The following TSPAN7 variants were observed in gnomAD, a reference collection of about 807,000 sequenced individuals.
TSPAN7 encodes tetraspanin-7.
In TSPAN7, 1 loss-of-function variant was observed where a neutral mutation model predicts 17.6. The ratio of observed to expected loss-of-function variants is 0.06; its 90% CI spans 0.02 to 0.27. TSPAN7 has a LOEUF of 0.27. TSPAN7 is among the 10% of genes least tolerant of loss of function. TSPAN7 has a pLI of 1.00. For synonymous variants in TSPAN7, 78 were observed against 79.0 expected (o/e 0.99, Z 0.07); for missense variants, 112 against 201.7 (o/e 0.56, Z 2.69).
At chrX:38,648,917 CAAAA>C (rs781037449) in intron 1 of TSPAN7, among the ~76,000 whole-genome samples, 6 of 49,332 alleles carry the variant, frequency 1.2e-4, no homozygotes, top group Non-Finnish European at 2.0e-4. Context: ...AACTCTGTCT[CAAAA>C]AAAAAAAAAA....
At chrX:38,683,199 A>T (rs1378098526) in intron 6 of TSPAN7, among the ~76,000 whole-genome samples, 1 of 112,165 alleles carries the variant, frequency 8.9e-6, no homozygotes, top group Non-Finnish European at 1.9e-5. Context: ...TGGTATTAAG[A>T]GGATCCTATT....
intron 1 of TSPAN7, among the ~76,000 whole-genome samples, chrX:38,662,033 A>C (rs945873802): frequency 8.1e-5 from 9 of 111,372 alleles, no homozygotes; most frequent in Non-Finnish European, 1.5e-4. Context: ...TTTTTATAGC[A>C]AGAAGAATGT....
intron 1 of TSPAN7, among the ~76,000 whole-genome samples, chrX:38,588,612 C>T (rs970186714): frequency 4.5e-5 from 5 of 111,832 alleles, no homozygotes; most frequent in Non-Finnish European, 9.4e-5. Context: ...TGAATTGTGT[C>T]GCTCTGCATG....
chrX:38,681,414 C>A, intron 6 of TSPAN7, 127 bp downstream of exon 6: 1 of 570,842 alleles, frequency 1.8e-6, no homozygotes, highest in South Asian at 2.4e-5. Flanking sequence ...GCTCCTTGCT[C>A]ATTAGTCCTC....
intron 1 of TSPAN7, among the ~76,000 whole-genome samples, chrX:38,583,949 C>CTTTTTTTTTTTTT (rs34777484): frequency 6.7e-4 from 45 of 66,949 alleles, no homozygotes; most frequent in Middle Eastern, 8.5e-3. Context: ...TTTTTCTTTT[C>CTTTTTTTTTTTTT]TTTTTTTTTT....
chrX:38,564,278 A>G (rs1156432485), intron 1 of TSPAN7, among the ~76,000 whole-genome samples: 1 of 111,487 alleles, frequency 9.0e-6, no homozygotes, highest in Non-Finnish European at 1.9e-5. Context: ...ACTCAGCATA[A>G]TTACTTCAAG....
At chrX:38,646,144 T>C in intron 1 of TSPAN7, 1 of 626,628 alleles carries the variant, frequency 1.6e-6, no homozygotes, top group Non-Finnish European at 2.2e-6. Flanking sequence ...GTGTACTTTC[T>C]ATAAAAAAAA....
chrX:38,578,920 G>T lies in TSPAN7; in HGVS notation c.81+17293G>T, dbSNP rs187641370. ...TGTACATATATGTATACATATGTGG[G>T]TGTATATGTACACACATATACATAA... On this transcript the variant is annotated intron_variant, in intron 1 of 7. Transcript: ENST00000378482. Among the ~76,000 whole-genome samples, 763 of 110,686 alleles carry T rather than the reference G, an allele frequency of 6.9e-3. 7 individuals are homozygous for T. The highest frequency in any genetic ancestry group is 0.024 in the African/African-American group (726 of 30,390).
intron 1 of TSPAN7, among the ~76,000 whole-genome samples, chrX:38,660,082 C>A (rs907614475): frequency 9.1e-6 from 1 of 110,330 alleles, no homozygotes. Context: ...CCACCTCTGC[C>A]TCTGCCTTCC....
At chrX:38,648,470 GT>G (rs2069657299) in intron 1 of TSPAN7, among the ~76,000 whole-genome samples, 1 of 111,963 alleles carries the variant, frequency 8.9e-6, no homozygotes, top group Non-Finnish European at 1.9e-5. Context: ...ATTACTTATA[GT>G]TGGGATCTTG....
intron 1 of TSPAN7, among the ~76,000 whole-genome samples, chrX:38,568,355 A>T (rs1242426138): frequency 9.5e-6 from 1 of 105,004 alleles, no homozygotes; most frequent in African/African-American, 3.5e-5. Context: ...AAAATGATGT[A>T]TTGGGGGTTA....
chrX:38,587,372 A>G (rs1186706604), intron 1 of TSPAN7, among the ~76,000 whole-genome samples: 1 of 112,228 alleles, frequency 8.9e-6, no homozygotes, highest in Non-Finnish European at 1.9e-5. Flanking sequence ...GAGTCTATAT[A>G]TGTACACATA....
intron 1 of TSPAN7, among the ~76,000 whole-genome samples, chrX:38,607,473 G>A (rs1175365562): frequency 3.6e-5 from 4 of 110,765 alleles, no homozygotes; most frequent in African/African-American, 1.3e-4. Flanking sequence ...ACTTAGGTGA[G>A]CCTCAAGCAC....
intron 1 of TSPAN7, among the ~76,000 whole-genome samples, chrX:38,585,787 G>T (rs940583417): frequency 1.2e-4 from 13 of 111,290 alleles, no homozygotes; most frequent in Non-Finnish European, 1.9e-4. Context: ...GAGAGTTCCT[G>T]CAAGAACTGG....
chrX:38,664,688 C>A lies in TSPAN7; in HGVS notation c.82-1433C>A, dbSNP rs145969527. Among the ~76,000 whole-genome samples, 5 of 112,364 alleles carry A rather than the reference C, an allele frequency of 4.4e-5. No individual in the cohort carries two copies. The East Asian group carries it at 1.4e-3, about 31-fold the overall frequency. On this transcript the variant is annotated intron_variant, in intron 1 of 7. Coordinates refer to ENST00000378482, the MANE Select transcript of TSPAN7 (RefSeq NM_004615.4). ...TTATCTTTGCCTAATAAAACTAGCA[C>A]TAGTTCCTCAATCTTTTTCTGATTT...
At chrX:38,616,246 A>C (rs1351892208) in intron 1 of TSPAN7, among the ~76,000 whole-genome samples, 1 of 112,174 alleles carries the variant, frequency 8.9e-6, no homozygotes, top group Non-Finnish European at 1.9e-5. Context: ...GTACTATATT[A>C]ATATCTCCAC....
At position 38,602,414 on chromosome X, in the gene TSPAN7, A is replaced by G. The variant is rs754179305; in HGVS notation, c.81+40787A>G. On this transcript the variant is annotated intron_variant, in intron 1 of 7. Coordinates refer to ENST00000378482, the MANE Select transcript of TSPAN7 (RefSeq NM_004615.4). Reference sequence around the variant, plus strand: ...GCAAACAGCATGAATAAACAAGGAAAACACAAGCTGGGAAAATTATTGATA... The same window carrying G: ...GCAAACAGCATGAATAAACAAGGAAGACACAAGCTGGGAAAATTATTGATA... Among the ~76,000 whole-genome samples, 3 of 112,047 alleles carry G rather than the reference A, an allele frequency of 2.7e-5. No individual in the cohort carries two copies. The South Asian group carries it at 1.1e-3, about 41-fold the overall frequency.
intron 1 of TSPAN7, among the ~76,000 whole-genome samples, chrX:38,649,632 C>T (rs904472397): frequency 1.8e-5 from 2 of 111,207 alleles, no homozygotes; most frequent in African/African-American, 6.5e-5. Context: ...TGTGGCTACC[C>T]GAGTTGGGTT....
chrX:38,663,224 A>G (rs1455680539), intron 1 of TSPAN7, among the ~76,000 whole-genome samples: 4 of 111,266 alleles, frequency 3.6e-5, no homozygotes, highest in Non-Finnish European at 7.6e-5. Context: ...TAAGCCATAA[A>G]AAGGAATGAA....
Sources: allele counts gnomAD v4.1 joint callset (sites outside exome capture counted in the v4.1 genomes callset), GRCh38; gene constraint gnomAD v4.1.1; transcripts MANE v1.5; gene names NCBI Gene and HGNC (gene_info 2026-07-23, HGNC 2026-07-21).